The following RCN2 variants were observed in gnomAD, a reference collection of about 807,000 sequenced individuals.
The protein encoded by RCN2 is reticulocalbin-2.
In RCN2, 23 loss-of-function variants were observed where a neutral mutation model predicts 37.5. That is an observed-to-expected ratio of 0.61 (90% CI 0.44 to 0.87). RCN2 has a LOEUF of 0.87. RCN2 is among the 40% of genes least tolerant of loss of function. The pLI is 0.00. For missense variants in RCN2, 381 were observed against 390.4 expected, an observed-to-expected ratio of 0.98 and a Z score of 0.20; for synonymous variants, 140 against 144.6, an observed-to-expected ratio of 0.97 and a Z score of 0.23.
chr15:76,947,696 C>T (rs868127266), intron 5 of RCN2, 179 bp downstream of exon 5: 43 of 505,190 alleles, frequency 8.5e-5, no homozygotes, highest in Middle Eastern at 8.4e-4. Flanking sequence ...TATCTGAGAA[C>T]GCTGTCTTGC....
chr15:76,948,347 A>G (rs79796508), intron 5 of RCN2, 63 bp from the exon 6 acceptor site: 24,479 of 1,230,716 alleles, frequency 0.02, 335 homozygotes, highest in South Asian at 0.037. Flanking sequence ...GGGATATACC[A>G]AACTTCTTAT....
intron 3 of RCN2, chr15:76,938,698 T>C (rs1355301752): frequency 4.4e-6 from 2 of 454,348 alleles, no homozygotes; most frequent in Non-Finnish European, 8.9e-6. Context: ...TAACTCTAAG[T>C]TGGTTAATTC....
rs1711018 is a variant in RCN2, at chr15:76,949,227, T to C, written c.*5T>C. 0.98 allele frequency: 1,557,972 copies of C among 1,593,068 alleles called. 762,610 individuals carry two copies. Among genetic ancestry groups the C allele is most frequent in the East Asian group, 1 (44,501 of 44,520 alleles). ...TTCTATCATGATGAGCTTTAATCTC[T>C]GAGCCTGTCTCAGTAGAGTACTGGC... On this transcript the variant is annotated 3_prime_UTR_variant, in exon 7 of 7. Transcript: ENST00000394885.
intron 4 of RCN2, among the ~76,000 whole-genome samples, chr15:76,945,381 A>T (rs764964364): frequency 4.6e-5 from 7 of 152,148 alleles, no homozygotes; most frequent in Non-Finnish European, 8.8e-5. Context: ...TGGATTCTTC[A>T]TAGGGTTGGT....
intron 4 of RCN2, among the ~76,000 whole-genome samples, chr15:76,944,495 C>A (rs192534470): frequency 6.6e-6 from 1 of 151,990 alleles, no homozygotes; most frequent in Non-Finnish European, 1.5e-5. Flanking sequence ...TTTTTGTACT[C>A]ATTAACTGTT....
At chr15:76,941,758 CA>C in intron 3 of RCN2, 4 of 780,456 alleles carry the variant, frequency 5.1e-6, no homozygotes, top group South Asian at 2.8e-5. Context: ...CTACCCCCTT[CA>C]CTTTTTTTTT....
intron 2 of RCN2, among the ~76,000 whole-genome samples, chr15:76,934,384 C>A (rs113525908): frequency 0.048 from 7,271 of 152,180 alleles, 518 homozygotes; most frequent in African/African-American, 0.15. Context: ...TTAGGTGATC[C>A]GCCTGCCTCA....
Position 76,949,331 on chromosome 15 carries a change from C to A in RCN2, c.*109C>A. 1 of 730,944 alleles carries A rather than the reference C, an allele frequency of 1.4e-6. No homozygotes were observed. The highest frequency in any genetic ancestry group is 2.0e-6 in the Non-Finnish European group (1 of 504,108). 45.3% of individuals were successfully genotyped at this position (730,944 alleles called of 1,614,324 possible). On this transcript the variant is annotated 3_prime_UTR_variant, in exon 7 of 7. Coordinates refer to ENST00000394885, the MANE Select transcript of RCN2 (RefSeq NM_002902.3). ...ATTTTACACTCTTAAGTCTTAACCA[C>A]AGTCAGAATTATCTTAATGTAGATT...
At chr15:76,941,578 GAA>G (rs74705067) in intron 3 of RCN2, 1 of 943,710 alleles carries the variant, frequency 1.1e-6, no homozygotes, top group Non-Finnish European at 1.6e-6. Context: ...TTATATACAA[GAA>G]AAAAAAAGAG....
chr15:76,937,800 G>A (rs1056115150), intron 3 of RCN2, among the ~76,000 whole-genome samples: 3 of 152,136 alleles, frequency 2.0e-5, no homozygotes, highest in African/African-American at 4.8e-5. Flanking sequence ...CTTAAGCAGA[G>A]CTGAGAAAGA....
intron 3 of RCN2, chr15:76,941,683 G>T: frequency 6.8e-7 from 1 of 1,478,910 alleles, no homozygotes; most frequent in Non-Finnish European, 9.1e-7. Flanking sequence ...TGGCTTCTTC[G>T]ATTTAATGTG....
At chr15:76,944,113 C>T (rs1203298122) in intron 4 of RCN2, among the ~76,000 whole-genome samples, 1 of 150,684 alleles carries the variant, frequency 6.6e-6, no homozygotes, top group Non-Finnish European at 1.5e-5. Context: ...CTGCCTCAGC[C>T]TCTCTGAGTA....
intron 2 of RCN2, 74 bp from the exon 3 acceptor site, chr15:76,935,452 G>A (rs759705352): frequency 2.5e-6 from 3 of 1,221,432 alleles, no homozygotes; most frequent in Admixed American, 2.1e-5. Context: ...CCTTTTCAGA[G>A]AAGGTTTGGA....
At chr15:76,939,754 T>A (rs1210599825) in intron 3 of RCN2, among the ~76,000 whole-genome samples, 2 of 152,242 alleles carry the variant, frequency 1.3e-5, no homozygotes, top group African/African-American at 4.8e-5. Context: ...TTTTAAAATC[T>A]TGCTGGAATT....
At position 76,935,482 on chromosome 15, in the gene RCN2, C is replaced by T. The variant is rs375202366; in HGVS notation, c.251-44C>T. On this transcript the variant is annotated intron_variant, in intron 2 of 6. Coordinates refer to ENST00000394885, the MANE Select transcript of RCN2 (RefSeq NM_002902.3). ...TTTGGAAATCCTTACTCTTAAGTAT[C>T]AGAATTAACGTCACATGCGTTGTGT... 13 of 1,456,934 alleles carry T rather than the reference C, an allele frequency of 8.9e-6. No homozygotes were observed. The African/African-American group carries it at 1.3e-4, about 14-fold the overall frequency. 90.3% of individuals were successfully genotyped at this position (1,456,934 alleles called of 1,614,324 possible). A position where few individuals can be genotyped will look rare whatever the true frequency, so the allele number is the denominator to read the frequency against.
At chr15:76,938,184 G>C (rs2075261083) in intron 3 of RCN2, among the ~76,000 whole-genome samples, 1 of 151,948 alleles carries the variant, frequency 6.6e-6, no homozygotes. Flanking sequence ...AATATTCAAG[G>C]CTCTTCTGTT....
intron 6 of RCN2, 190 bp downstream of exon 6, chr15:76,948,742 C>A: frequency 1.8e-6 from 1 of 560,490 alleles, no homozygotes; most frequent in Non-Finnish European, 3.0e-6. Context: ...AAGATTGTGT[C>A]ATGTATTAAT....
Sources: allele counts gnomAD v4.1 joint callset (sites outside exome capture counted in the v4.1 genomes callset), GRCh38; gene constraint gnomAD v4.1.1; transcripts MANE v1.5; gene names NCBI Gene and HGNC (gene_info 2026-07-23, HGNC 2026-07-21).